The following CCDC125 variants were observed in gnomAD, a reference collection of about 807,000 sequenced individuals.
CCDC125 encodes coiled-coil domain-containing protein 125.
A neutral mutation model predicts 57.4 loss-of-function variants in CCDC125; 43 were observed. The ratio of observed to expected loss-of-function variants is 0.75; its 90% CI spans 0.59 to 0.97. The LOEUF is 0.97. CCDC125 is among the 50% of genes least tolerant of loss of function. The probability of loss-of-function intolerance (pLI) is 0.00; values close to 1 mark genes in which losing one functional copy is unlikely to be tolerated. For synonymous variants in CCDC125, 187 were observed against 195.2 expected (o/e 0.96, Z 0.35); for missense variants, 563 against 595.7 (o/e 0.95, Z 0.57).
At chr5:69,315,451 AAAAAAAAAAAC>A (rs1561468150) in intron 2 of CCDC125, among the ~76,000 whole-genome samples, 241 of 6,954 alleles carry the variant, frequency 0.035, 28 homozygotes, top group African/African-American at 0.043. Context: ...AAAAAAAAAC[AAAAAAAAAAAC>A]AAAAAAAAAA....
At chr5:69,296,264 G>C (rs1419701900) in intron 8 of CCDC125, among the ~76,000 whole-genome samples, 1 of 151,676 alleles carries the variant, frequency 6.6e-6, no homozygotes, top group Non-Finnish European at 1.5e-5. Flanking sequence ...CTTTAAACTA[G>C]ATTCTGGCCA....
intron 10 of CCDC125, among the ~76,000 whole-genome samples, chr5:69,290,605 GTTTCTTTTTTT>G (rs1222278510): frequency 7.1e-6 from 1 of 141,028 alleles, no homozygotes; most frequent in African/African-American, 2.6e-5. Flanking sequence ...ACATGGCCAG[GTTTCTTTTTTT>G]TTTCTTTTTT....
chr5:69,288,953 T>A (rs889703426), intron 10 of CCDC125, among the ~76,000 whole-genome samples: 1 of 152,210 alleles, frequency 6.6e-6, no homozygotes, highest in African/African-American at 2.4e-5. Context: ...TTCCCCTGTC[T>A]CTTACACTGT....
At chr5:69,321,982 A>G (rs1760093713) in intron 1 of CCDC125, among the ~76,000 whole-genome samples, 1 of 151,760 alleles carries the variant, frequency 6.6e-6, no homozygotes, top group Non-Finnish European at 1.5e-5. Context: ...GATTACAACC[A>G]TGCGCCACCA....
At chr5:69,316,355 A>C (rs185547546) in intron 2 of CCDC125, among the ~76,000 whole-genome samples, 1 of 152,200 alleles carries the variant, frequency 6.6e-6, no homozygotes, top group African/African-American at 2.4e-5. Flanking sequence ...CTTATACATG[A>C]AAGAGGGAGA....
chr5:69,327,241 C>T (rs993297769), intron 1 of CCDC125, among the ~76,000 whole-genome samples: 1 of 151,782 alleles, frequency 6.6e-6, no homozygotes, highest in Non-Finnish European at 1.5e-5. Flanking sequence ...ACTACAGGTG[C>T]CCGCCACCAC....
At chr5:69,319,175 G>A (rs1350703336) in intron 2 of CCDC125, among the ~76,000 whole-genome samples, 4 of 152,124 alleles carry the variant, frequency 2.6e-5, no homozygotes, top group African/African-American at 7.2e-5. Context: ...TGATCCATCC[G>A]CCTCAGCCTC....
chr5:69,322,711 C>T (rs964112348), intron 1 of CCDC125, among the ~76,000 whole-genome samples: 12 of 151,834 alleles, frequency 7.9e-5, no homozygotes, highest in African/African-American at 1.2e-4. Context: ...TACAGGCACG[C>T]GCCACCACAC....
intron 4 of CCDC125, chr5:69,308,248 C>T: frequency 1.7e-6 from 1 of 574,952 alleles, no homozygotes; most frequent in Non-Finnish European, 3.1e-6. Context: ...ATGAATTTTC[C>T]ACACAAAGAA....
At chr5:69,299,957 AGAAAG>A in intron 8 of CCDC125, 50 bp downstream of exon 8, 2 of 1,326,758 alleles carry the variant, frequency 1.5e-6, no homozygotes, top group South Asian at 2.3e-5. Flanking sequence ...AATGGGAGAA[AGAAAG>A]GAAAGTAGCA....
chr5:69,292,473 G>T, intron 9 of CCDC125, 111 bp from the exon 10 acceptor site: 1 of 757,342 alleles, frequency 1.3e-6, no homozygotes, highest in Non-Finnish European at 2.2e-6. Flanking sequence ...CTGGTTTATT[G>T]CCTGTGGTCT....
intron 10 of CCDC125, 83 bp from the exon 11 acceptor site, chr5:69,285,550 T>G: frequency 5.1e-5 from 70 of 1,359,426 alleles, no homozygotes; most frequent in Middle Eastern, 1.9e-4. Flanking sequence ...ACTTGATCTC[T>G]AGGACAAGTG....
At chr5:69,294,451 G>A (rs1754998910) in intron 9 of CCDC125, among the ~76,000 whole-genome samples, 1 of 152,058 alleles carries the variant, frequency 6.6e-6, no homozygotes, top group African/African-American at 2.4e-5. Flanking sequence ...AAGATTACAG[G>A]TGACCGCCAC....
intron 4 of CCDC125, chr5:69,308,820 G>A (rs1464549468): frequency 6.2e-6 from 1 of 160,882 alleles, no homozygotes; most frequent in Non-Finnish European, 1.3e-5. Flanking sequence ...CTTGTTGAGT[G>A]TCTTTCACAA....
chr5:69,276,447 T>C, downstream of CCDC125: 1 of 1,081,392 alleles, frequency 9.2e-7, no homozygotes, highest in South Asian at 1.4e-5. Flanking sequence ...ATTCACATAG[T>C]ATTTTTAATG....
intron 10 of CCDC125, among the ~76,000 whole-genome samples, chr5:69,285,937 T>G (rs931623420): frequency 2.6e-5 from 4 of 151,990 alleles, no homozygotes; most frequent in African/African-American, 9.7e-5. Context: ...ACTAACTGTA[T>G]GACCTCGGGT....
chr5:69,323,973 G>A (rs1760418214), intron 1 of CCDC125: 2 of 151,798 alleles, frequency 1.3e-5, no homozygotes, highest in Non-Finnish European at 2.9e-5. Context: ...AAAAAAGTGG[G>A]GTGTGGGGGT....
chr5:69,286,594 C>T (rs1177421939), intron 10 of CCDC125, among the ~76,000 whole-genome samples: 2 of 152,032 alleles, frequency 1.3e-5, no homozygotes, highest in Non-Finnish European at 2.9e-5. Context: ...TTGTCAAAGG[C>T]CCTGCTCAGG....
chr5:69,276,636 C>G, downstream of CCDC125: 4 of 1,614,038 alleles, frequency 2.5e-6, no homozygotes, highest in Non-Finnish European at 3.4e-6. Context: ...CTTAAAGGAG[C>G]AATCAAATCC....
Sources: allele counts gnomAD v4.1 joint callset (sites outside exome capture counted in the v4.1 genomes callset), GRCh38; gene constraint gnomAD v4.1.1; transcripts MANE v1.5; gene names NCBI Gene and HGNC (gene_info 2026-07-23, HGNC 2026-07-21).